MBD5: variants seen among roughly 807,000 people sequenced by gnomAD.
The protein encoded by MBD5 is methyl-CpG-binding domain protein 5.
Under a neutral mutation model 117.3 loss-of-function variants are expected in MBD5, and 13 were observed. That is an observed-to-expected ratio of 0.11 (90% CI 0.07 to 0.18). The LOEUF is 0.18. MBD5 is among the 10% of genes least tolerant of loss of function. The probability of loss-of-function intolerance (pLI) is 1.00; values close to 1 mark genes in which losing one functional copy is unlikely to be tolerated. For missense variants in MBD5, 1,879 were observed against 2,093.8 expected, an observed-to-expected ratio of 0.90 and a Z score of 2.00; for synonymous variants, 727 against 766.4, an observed-to-expected ratio of 0.95 and a Z score of 0.85.
intron 1 of MBD5, among the ~76,000 whole-genome samples, chr2:148,151,496 G>T (rs1019965795): frequency 1.1e-4 from 16 of 152,146 alleles, no homozygotes; most frequent in Non-Finnish European, 2.4e-4. Context: ...TCTATTGATT[G>T]GAATAGTTTC....
intron 3 of MBD5, among the ~76,000 whole-genome samples, chr2:148,276,528 A>T (rs946600500): frequency 1.3e-5 from 2 of 152,228 alleles, no homozygotes; most frequent in African/African-American, 2.4e-5. Context: ...TTACTTAAAT[A>T]CTTAAGCATG....
intron 1 of MBD5, among the ~76,000 whole-genome samples, chr2:148,129,556 G>A (rs1696986456): frequency 6.6e-6 from 1 of 152,070 alleles, no homozygotes; most frequent in Non-Finnish European, 1.5e-5. Context: ...TAAAAAGATA[G>A]GCTCTGTGAA....
chr2:148,483,893 C>A lies in MBD5; in HGVS notation c.3302C>A (p.Thr1101Asn), dbSNP rs1559095624. 1 of 1,550,598 alleles carries A rather than the reference C, an allele frequency of 6.4e-7. No individual in the cohort carries two copies. Among genetic ancestry groups the A allele is most frequent in the East Asian group, 2.4e-5 (1 of 40,924 alleles). ...GGVLNSASAN[T>N]ANHPEVSIAT... ...GTCCTGAACTCGGCATCGGCCAACA[C>A]CGCTAATCATCCAGAGGTTTCCATA... The change falls in exon 9 of 14, where the codon ACC becomes AAC. Residue 1101 changes from threonine to asparagine, a missense_variant. Thr to Asn is a moderately conservative substitution (Grantham distance 65). Coordinates refer to ENST00000642680, the MANE Select transcript of MBD5 (RefSeq NM_001378120.1).
intron 4 of MBD5, among the ~76,000 whole-genome samples, chr2:148,408,354 C>T (rs538827305): frequency 1.3e-5 from 2 of 152,226 alleles, no homozygotes; most frequent in South Asian, 4.1e-4. Context: ...GTTCCAGATT[C>T]CCAAGAGTTT....
chr2:148,341,481 A>C (rs1485038465), intron 3 of MBD5, among the ~76,000 whole-genome samples: 4 of 152,030 alleles, frequency 2.6e-5, no homozygotes, highest in African/African-American at 9.7e-5. Flanking sequence ...GTGAGGATTA[A>C]ATTAGGTGAT....
chr2:148,117,152 A>C (rs915689027), intron 1 of MBD5, among the ~76,000 whole-genome samples: 1 of 152,162 alleles, frequency 6.6e-6, no homozygotes, highest in Non-Finnish European at 1.5e-5. Context: ...CATTTTTCTC[A>C]GTGTTTTTTT....
intron 3 of MBD5, among the ~76,000 whole-genome samples, chr2:148,280,131 C>CAAAAAAAAAAAAAAAAAAAAAAA (rs3076398): frequency 1.1e-5 from 1 of 91,884 alleles, no homozygotes; most frequent in Non-Finnish European, 2.2e-5. Context: ...AAACTAACTG[C>CAAAAAAAAAAAAAAAAAAAAAAA]AAAAAAAAAA....
intron 7 of MBD5, among the ~76,000 whole-genome samples, chr2:148,467,953 C>T (rs1680611686): frequency 6.6e-6 from 1 of 152,046 alleles, no homozygotes; most frequent in Admixed American, 6.6e-5. Context: ...CTAAATCCAA[C>T]AAAATAGTAA....
At chr2:148,274,903 A>C (rs1701070190) in intron 3 of MBD5, among the ~76,000 whole-genome samples, 1 of 151,898 alleles carries the variant, frequency 6.6e-6, no homozygotes, top group Non-Finnish European at 1.5e-5. Flanking sequence ...TTGTATTTTT[A>C]GTAGAGACGG....
intron 2 of MBD5, among the ~76,000 whole-genome samples, chr2:148,182,184 T>A (rs2105860345): frequency 6.6e-6 from 1 of 152,062 alleles, no homozygotes; most frequent in East Asian, 1.9e-4. Flanking sequence ...TATATAACAT[T>A]TACCAGATTA....
intron 1 of MBD5, among the ~76,000 whole-genome samples, chr2:148,120,786 A>G (rs1421508893): frequency 6.6e-6 from 1 of 152,070 alleles, no homozygotes; most frequent in East Asian, 1.9e-4. Context: ...TTTCTTGCCT[A>G]ATTTTCTTGT....
intron 1 of MBD5, among the ~76,000 whole-genome samples, chr2:148,083,570 G>A (rs1442150403): frequency 6.6e-6 from 1 of 151,372 alleles, no homozygotes; most frequent in African/African-American, 2.4e-5. Context: ...TCGCAATCAA[G>A]GTCCTATATT....
intron 4 of MBD5, among the ~76,000 whole-genome samples, chr2:148,357,157 C>T (rs969690106): frequency 1.3e-5 from 2 of 152,126 alleles, no homozygotes; most frequent in African/African-American, 4.8e-5. Flanking sequence ...TTTTTGGCCA[C>T]CTACTCTACA....
At chr2:148,200,417 C>T (rs761002775) in intron 2 of MBD5, among the ~76,000 whole-genome samples, 2 of 152,026 alleles carry the variant, frequency 1.3e-5, no homozygotes, top group African/African-American at 4.8e-5. Context: ...TGGGGCTGGG[C>T]GCGGTGGCTC....
chr2:148,077,039 T>C (rs990388675), intron 1 of MBD5, among the ~76,000 whole-genome samples: 6 of 152,322 alleles, frequency 3.9e-5, no homozygotes, highest in African/African-American at 1.4e-4. Context: ...GACTGTTAAG[T>C]GGCCTGCCCA....
intron 1 of MBD5, among the ~76,000 whole-genome samples, chr2:148,137,303 A>G (rs1401461344): frequency 6.6e-6 from 1 of 152,134 alleles, no homozygotes; most frequent in Non-Finnish European, 1.5e-5. Flanking sequence ...CTGGTTCAAA[A>G]TCTGTCATCA....
chr2:148,030,811 T>C (rs1160264839), intron 1 of MBD5, among the ~76,000 whole-genome samples: 1 of 152,182 alleles, frequency 6.6e-6, no homozygotes, highest in African/African-American at 2.4e-5. Context: ...GTCACATGAA[T>C]ATATCCCTAG....
At chr2:148,426,791 A>C (rs1265897289) in intron 4 of MBD5, among the ~76,000 whole-genome samples, 4 of 152,250 alleles carry the variant, frequency 2.6e-5, no homozygotes, top group African/African-American at 9.6e-5. Context: ...AAAAGCCAGA[A>C]TTGACAAATG....
intron 1 of MBD5, among the ~76,000 whole-genome samples, chr2:148,139,393 A>T (rs533294033): frequency 5.3e-4 from 80 of 152,166 alleles, no homozygotes; most frequent in African/African-American, 1.9e-3. Flanking sequence ...TTTAGTAGAG[A>T]CGGGGTTTCT....
Sources: gnomAD v4.1 joint callset for allele counts (sites outside exome capture counted in the v4.1 genomes callset) on GRCh38, gnomAD v4.1.1 for gene constraint, MANE v1.5 for transcripts, NCBI Gene and HGNC (gene_info 2026-07-23, HGNC 2026-07-21) for gene names.